Variants in PPARGC1A observed in about 807,000 individuals in gnomAD.
PPARGC1A encodes peroxisome proliferator-activated receptor gamma coactivator 1-alpha.
In PPARGC1A, 25 loss-of-function variants were observed where a neutral mutation model predicts 88.7. The observed-to-expected ratio is 0.28, with a 90% confidence interval of 0.21 to 0.39. The LOEUF is 0.39. Among genes scored for constraint, PPARGC1A ranks in the 10% least tolerant of loss-of-function variants. The pLI is 1.00. For synonymous variants in PPARGC1A, 363 were observed against 355.6 expected, an observed-to-expected ratio of 1.02 and a Z score of -0.24; for missense variants, 880 against 968.7, an observed-to-expected ratio of 0.91 and a Z score of 1.22.
chr4:24,149,487 C>G, the PPARGC1A span, among the ~76,000 whole-genome samples: 7 of 151,974 alleles, frequency 4.6e-5, no homozygotes, highest in Admixed American at 1.3e-4. Context: ...AGCAGAAAGG[C>G]CTGTTGGATT....
At chr4:23,953,025 C>A in the PPARGC1A span, among the ~76,000 whole-genome samples, 1 of 151,888 alleles carries the variant, frequency 6.6e-6, no homozygotes, top group African/African-American at 2.4e-5. Context: ...GCCTACCTAC[C>A]TGAAAAGACA....
the PPARGC1A span, among the ~76,000 whole-genome samples, chr4:24,232,949 G>A: frequency 6.6e-6 from 1 of 152,174 alleles, no homozygotes; most frequent in Non-Finnish European, 1.5e-5. Flanking sequence ...TCAAAGACAG[G>A]TAAGTGTGAT....
At chr4:24,272,518 A>T in the PPARGC1A span, among the ~76,000 whole-genome samples, 1 of 152,116 alleles carries the variant, frequency 6.6e-6, no homozygotes, top group African/African-American at 2.4e-5. Flanking sequence ...CCACAACAAA[A>T]AGAAAAAATC....
At chr4:23,837,856 A>G (rs1726305594) in intron 2 of PPARGC1A, among the ~76,000 whole-genome samples, 1 of 152,202 alleles carries the variant, frequency 6.6e-6, no homozygotes, top group Admixed American at 6.5e-5. Flanking sequence ...CTCTTTCTTG[A>G]ATCTCCATAG....
At chr4:24,107,175 ATTAC>A in the PPARGC1A span, among the ~76,000 whole-genome samples, 1 of 152,268 alleles carries the variant, frequency 6.6e-6, no homozygotes, top group South Asian at 2.1e-4. Flanking sequence ...ACATTGCTAT[ATTAC>A]TTTTCATTTT....
At chr4:23,959,486 G>A in the PPARGC1A span, among the ~76,000 whole-genome samples, 1 of 152,110 alleles carries the variant, frequency 6.6e-6, no homozygotes, top group African/African-American at 2.4e-5. Context: ...ATAATAAGAT[G>A]TAGAAAACAG....
At chr4:24,188,171 A>C in the PPARGC1A span, among the ~76,000 whole-genome samples, 1 of 152,192 alleles carries the variant, frequency 6.6e-6, no homozygotes, top group Non-Finnish European at 1.5e-5. Flanking sequence ...AACACAGCTA[A>C]GACACTGTGA....
chr4:23,898,897 G>T (rs537364178), intron 1 of PPARGC1A, among the ~76,000 whole-genome samples: 2 of 147,502 alleles, frequency 1.4e-5, no homozygotes, highest in African/African-American at 5.1e-5. Context: ...ATACAGTGGT[G>T]CAATCTCAGC....
chr4:24,017,736 G>GA, the PPARGC1A span, among the ~76,000 whole-genome samples: 43 of 151,902 alleles, frequency 2.8e-4, no homozygotes, highest in Non-Finnish European at 1.0e-4. Flanking sequence ...TCAACTTTTG[G>GA]GTGTGTTAAA....
At chr4:24,124,350 T>C in the PPARGC1A span, among the ~76,000 whole-genome samples, 1 of 152,170 alleles carries the variant, frequency 6.6e-6, no homozygotes, top group African/African-American at 2.4e-5. Flanking sequence ...TGTTGTAAAA[T>C]GAGATAAATA....
the PPARGC1A span, among the ~76,000 whole-genome samples, chr4:24,273,626 A>G: frequency 6.6e-6 from 1 of 152,180 alleles, no homozygotes; most frequent in Admixed American, 6.5e-5. Flanking sequence ...GGTTAGAGAC[A>G]AAAACAACCA....
chr4:23,964,742 T>A, the PPARGC1A span, among the ~76,000 whole-genome samples: 4 of 151,264 alleles, frequency 2.6e-5, no homozygotes, highest in African/African-American at 4.9e-5. Flanking sequence ...CAGAATGGAG[T>A]GGAGGGGAAC....
chr4:24,129,211 T>C, the PPARGC1A span, among the ~76,000 whole-genome samples: 1 of 150,666 alleles, frequency 6.6e-6, no homozygotes, highest in Non-Finnish European at 1.5e-5. Context: ...AGCCGGAATA[T>C]TTCATCTTTC....
the PPARGC1A span, among the ~76,000 whole-genome samples, chr4:24,234,599 T>C: frequency 6.6e-6 from 1 of 152,218 alleles, no homozygotes; most frequent in Non-Finnish European, 1.5e-5. Context: ...TTTCTAAAAA[T>C]ATAAGACAAT....
chr4:24,048,201 C>A, the PPARGC1A span, among the ~76,000 whole-genome samples: 6 of 152,092 alleles, frequency 3.9e-5, no homozygotes, highest in African/African-American at 1.4e-4. Context: ...TTTTCGTCAC[C>A]CTTGCTGTGC....
the PPARGC1A span, among the ~76,000 whole-genome samples, chr4:23,977,812 A>T: frequency 6.6e-5 from 10 of 152,204 alleles, no homozygotes; most frequent in Non-Finnish European, 1.5e-4. Context: ...CCCTACTTCG[A>T]CGACTAAGAT....
chr4:24,170,976 T>G, the PPARGC1A span, among the ~76,000 whole-genome samples: 2 of 152,170 alleles, frequency 1.3e-5, no homozygotes, highest in African/African-American at 4.8e-5. Flanking sequence ...TCACGCATGC[T>G]CCTGCCTCAG....
upstream of PPARGC1A, among the ~76,000 whole-genome samples, chr4:23,890,602 C>CTTTTTTT (rs56855205): frequency 1.3e-4 from 13 of 103,264 alleles, no homozygotes; most frequent in African/African-American, 1.8e-4. Context: ...GCAAACGGGG[C>CTTTTTTT]TTTTTTTTTT....
chr4:23,904,296 T>C (rs569594129), upstream of PPARGC1A, among the ~76,000 whole-genome samples: 3 of 152,304 alleles, frequency 2.0e-5, no homozygotes, highest in South Asian at 2.1e-4. Flanking sequence ...ACATCAGCAA[T>C]TGAGACAGGT....
Sources: gnomAD v4.1 joint callset for allele counts (sites outside exome capture counted in the v4.1 genomes callset) on GRCh38, gnomAD v4.1.1 for gene constraint, MANE v1.5 for transcripts, NCBI Gene and HGNC (gene_info 2026-07-23, HGNC 2026-07-21) for gene names.